TENM2: variants seen among roughly 807,000 people sequenced by gnomAD.
TENM2 encodes the protein teneurin transmembrane protein 2.
Under a neutral mutation model 245.2 loss-of-function variants are expected in TENM2, and 52 were observed. The observed-to-expected ratio is 0.21, with a 90% CI of 0.17 to 0.27. TENM2 has a LOEUF of 0.27. TENM2 is among the 10% of genes least tolerant of loss of function. The pLI, the probability that TENM2 is intolerant of heterozygous loss-of-function variation, is 1.00. For synonymous variants in TENM2, 1,363 were observed against 1,438.9 expected (o/e 0.95, Z 1.19); for missense variants, 3,046 against 3,666.8 (o/e 0.83, Z 4.37).
chr5:167,344,305 C>CATAT (rs1300424802), intron 1 of TENM2, among the ~76,000 whole-genome samples: 13 of 98,292 alleles, frequency 1.3e-4, no homozygotes, highest in East Asian at 1.2e-3. Context: ...CACACACACA[C>CATAT]ACACATATAT....
chr5:167,144,217 T>A, the TENM2 span, among the ~76,000 whole-genome samples: 1 of 152,162 alleles, frequency 6.6e-6, no homozygotes, highest in Non-Finnish European at 1.5e-5. Flanking sequence ...TTCGCATTTG[T>A]GTGCAAGATT....
chr5:167,007,372 G>T, the TENM2 span, among the ~76,000 whole-genome samples: 1 of 152,172 alleles, frequency 6.6e-6, no homozygotes, highest in South Asian at 2.1e-4. This position sits in a 1 kb window ranked among gnomAD's most constrained non-coding sequence, Gnocchi z 4.2. Context: ...AGAGCTTATA[G>T]AAATTAATTT....
chr5:168,115,822 G>A (rs938614265), intron 9 of TENM2, among the ~76,000 whole-genome samples: 4 of 152,084 alleles, frequency 2.6e-5, no homozygotes, highest in African/African-American at 4.8e-5. Flanking sequence ...CCTGCTTGCC[G>A]GTCTCAGCCT....
intron 2 of TENM2, among the ~76,000 whole-genome samples, chr5:167,649,057 A>C (rs1316466460): frequency 6.6e-6 from 1 of 152,108 alleles, no homozygotes; most frequent in Non-Finnish European, 1.5e-5. Flanking sequence ...GATTGTTAAA[A>C]CATCTGTCAC....
Position 168,244,724 on chromosome 5 carries a change from A to AGCTCCAC in TENM2, c.5817+8_5817+9insGCTCCAC. On this transcript the variant is annotated intron_variant, in intron 26 of 28. Coordinates refer to ENST00000518659, the Ensembl canonical transcript of TENM2. This position sits in a 1 kb window ranked among gnomAD's most constrained non-coding sequence, Gnocchi z 4.9. ...TACTCCTACCTTGACAAGGTAGGTG[A>AGCTCCAC]ACATGCTGCCCTGACAGCAAGGGCT... is the stretch of plus-strand genomic sequence containing the variant. 3 of 1,421,560 alleles carry AGCTCCAC rather than the reference A, an allele frequency of 2.1e-6. No individual in the cohort carries two copies. Among genetic ancestry groups the AGCTCCAC allele is most frequent in the South Asian group, 1.7e-5 (1 of 58,312 alleles). 88.1% of individuals were successfully genotyped at this position (1,421,560 alleles called of 1,614,324 possible).
At chr5:167,857,329 T>G (rs1771183019) in intron 2 of TENM2, among the ~76,000 whole-genome samples, 1 of 152,186 alleles carries the variant, frequency 6.6e-6, no homozygotes, top group Non-Finnish European at 1.5e-5. Context: ...GCTAAATTAT[T>G]TGAGAATTGC....
At chr5:167,869,065 G>A (rs1425824385) in intron 2 of TENM2, among the ~76,000 whole-genome samples, 1 of 152,198 alleles carries the variant, frequency 6.6e-6, no homozygotes, top group Non-Finnish European at 1.5e-5. Context: ...TAGAGTAAGT[G>A]GAAGGGCTCA....
intron 2 of TENM2, among the ~76,000 whole-genome samples, chr5:167,697,037 T>C (rs1026303341): frequency 3.9e-5 from 6 of 152,232 alleles, no homozygotes; most frequent in Non-Finnish European, 7.3e-5. Flanking sequence ...ATGCTTCCTC[T>C]TCCTTCCAGC....
intron 6 of TENM2, among the ~76,000 whole-genome samples, chr5:168,049,708 A>G (rs1788911537): frequency 6.6e-6 from 1 of 152,230 alleles, no homozygotes; most frequent in Non-Finnish European, 1.5e-5. Context: ...CCTGTGCAAC[A>G]TGCTTTTGAA....
chr5:167,136,978 A>C, the TENM2 span, among the ~76,000 whole-genome samples: 1 of 152,246 alleles, frequency 6.6e-6, no homozygotes, highest in Non-Finnish European at 1.5e-5. Flanking sequence ...GGGAAGTCCA[A>C]GAACAAGGTG....
At chr5:167,001,666 C>G in the TENM2 span, among the ~76,000 whole-genome samples, 1 of 152,092 alleles carries the variant, frequency 6.6e-6, no homozygotes, top group Non-Finnish European at 1.5e-5. Context: ...TAAAATCCCT[C>G]CTGTCACATT....
chr5:167,357,892 A>C (rs965068400), intron 1 of TENM2, among the ~76,000 whole-genome samples: 1 of 152,204 alleles, frequency 6.6e-6, no homozygotes, highest in African/African-American at 2.4e-5. Context: ...CACATCTACC[A>C]TCCACACACT....
chr5:167,203,222 A>T, the TENM2 span, among the ~76,000 whole-genome samples: 5 of 152,098 alleles, frequency 3.3e-5, no homozygotes, highest in African/African-American at 1.2e-4. Flanking sequence ...GTCATTTTTC[A>T]AGGCCCTTAC....
rs566301319 is a variant in TENM2, at chr5:167,866,083, C to T, written c.503-9903C>T. Among the ~76,000 whole-genome samples, 4 of 152,284 alleles carry T rather than the reference C, an allele frequency of 2.6e-5. No individual in the cohort carries two copies. The East Asian group carries it at 7.7e-4, about 29-fold the overall frequency. On this transcript the variant is annotated intron_variant, in intron 2 of 28. Coordinates refer to ENST00000518659, the Ensembl canonical transcript of TENM2. ...ACATTTAGGCAAGTACATAGGCTAACATGTAACAAAAGCAATGATGAAAGT... is the reference window on the plus strand; with the variant it reads ...ACATTTAGGCAAGTACATAGGCTAATATGTAACAAAAGCAATGATGAAAGT...
intron 2 of TENM2, among the ~76,000 whole-genome samples, chr5:167,681,975 T>C (rs1308371754): frequency 6.6e-6 from 1 of 152,060 alleles, no homozygotes; most frequent in African/African-American, 2.4e-5. Flanking sequence ...TGTGTGCACA[T>C]GCATTCTGTG....
chr5:167,956,527 A>T lies in TENM2; in HGVS notation c.947+3705A>T, dbSNP rs576310698. 7.2e-5 allele frequency among the ~76,000 whole-genome samples: 11 copies of T among 152,302 alleles called. No individual in the cohort carries two copies. In the South Asian group the frequency reaches 2.1e-3, roughly 29 times the overall value. On this transcript the variant is annotated intron_variant, in intron 4 of 28. Transcript: ENST00000518659. Reference sequence around the variant, plus strand: ...TACTATGTTGAATAGGAGTGGTGAGAGAGGGCATCCTTGTCTTGTGCCGGT... The same window carrying T: ...TACTATGTTGAATAGGAGTGGTGAGTGAGGGCATCCTTGTCTTGTGCCGGT...
chr5:167,385,854 ATATGTGTGTGTG>A (rs1761399535), intron 2 of TENM2, among the ~76,000 whole-genome samples: 1 of 130,098 alleles, frequency 7.7e-6, no homozygotes, highest in South Asian at 2.6e-4. Context: ...CATTATATAT[ATATGTGTGTGTG>A]TGTGTGTGTG....
At chr5:167,487,765 G>T (rs1055621482) in intron 2 of TENM2, among the ~76,000 whole-genome samples, 11 of 152,106 alleles carry the variant, frequency 7.2e-5, no homozygotes, top group Admixed American at 5.2e-4. Flanking sequence ...TCCTAGTATT[G>T]TCATTCTTGC....
At chr5:167,879,087 C>T (rs541462363) in intron 3 of TENM2, among the ~76,000 whole-genome samples, 12 of 152,248 alleles carry the variant, frequency 7.9e-5, no homozygotes, top group African/African-American at 2.6e-4. Flanking sequence ...CCGAGGAGCA[C>T]CTGTTCTATA....
Sources: allele counts gnomAD v4.1 joint callset (sites outside exome capture counted in the v4.1 genomes callset), GRCh38; gene constraint gnomAD v4.1.1; non-coding constraint Gnocchi (gnomAD v3.1); transcripts MANE v1.5; gene names NCBI Gene and HGNC (gene_info 2026-07-23, HGNC 2026-07-21).